Variants in CHD9 observed in about 807,000 individuals in gnomAD.
CHD9 encodes ATP-dependent chromatin remodeler CHD9.
Under a neutral mutation model 316.1 loss-of-function variants are expected in CHD9, and 77 were observed. The observed-to-expected ratio is 0.24, with a 90% CI of 0.20 to 0.29. The LOEUF (loss-of-function observed/expected upper bound fraction) is 0.29. Among genes scored for constraint, CHD9 ranks in the 10% least tolerant of loss-of-function variants. The pLI is 1.00. For synonymous variants in CHD9, 1,129 were observed against 1,158.3 expected (o/e 0.97, Z 0.51); for missense variants, 2,763 against 3,438.1 (o/e 0.80, Z 4.91).
chr16:53,231,385 G>T (rs1389793055), intron 8 of CHD9, 34 bp from the exon 9 acceptor site: 1 of 1,220,866 alleles, frequency 8.2e-7, no homozygotes, highest in East Asian at 2.3e-5. Flanking sequence ...CCAGTTCTTT[G>T]TCAGATGTCA....
At chr16:53,302,436 A>C (rs1288639181) in intron 30 of CHD9, among the ~76,000 whole-genome samples, 1 of 152,210 alleles carries the variant, frequency 6.6e-6, no homozygotes, top group African/African-American at 2.4e-5. Flanking sequence ...ATGTAATATC[A>C]AGGGATTGGA....
chr16:53,286,038 G>A (rs1261244648), intron 25 of CHD9, among the ~76,000 whole-genome samples, 188 bp from the exon 26 acceptor site: 1 of 152,100 alleles, frequency 6.6e-6, no homozygotes, highest in African/African-American at 2.4e-5. Context: ...TTTTACTTTA[G>A]TAGATATCTA....
intron 3 of CHD9, among the ~76,000 whole-genome samples, chr16:53,212,420 AT>A (rs549427641): frequency 1.5e-3 from 218 of 147,388 alleles, no homozygotes; most frequent in Admixed American, 3.6e-3. Context: ...AAAAAAAAAA[AT>A]TTTTTTTAAA....
chr16:53,193,922 A>AT (rs1173276288), intron 2 of CHD9, among the ~76,000 whole-genome samples: 1 of 152,190 alleles, frequency 6.6e-6, no homozygotes, highest in Admixed American at 6.5e-5. Context: ...CTATAGTAAT[A>AT]TTACTGTTAT....
chr16:53,123,262 A>C (rs1300499553), intron 1 of CHD9, among the ~76,000 whole-genome samples: 1 of 151,646 alleles, frequency 6.6e-6, no homozygotes, highest in Non-Finnish European at 1.5e-5. Context: ...AGAGTTGTGC[A>C]AGTATCTCCA....
intron 29 of CHD9, among the ~76,000 whole-genome samples, chr16:53,293,995 A>C (rs1413436766): frequency 6.6e-6 from 1 of 152,178 alleles, no homozygotes; most frequent in Non-Finnish European, 1.5e-5. Flanking sequence ...TATGTTAATT[A>C]AATTCCATTC....
At chr16:53,248,056 G>A (rs2049787354) in intron 16 of CHD9, 1 of 152,212 alleles carries the variant, frequency 6.6e-6, no homozygotes, top group Non-Finnish European at 1.5e-5. Context: ...GCCGGGCGCG[G>A]TGGCTCACGT....
chr16:53,293,956 A>G (rs972869988), intron 29 of CHD9, among the ~76,000 whole-genome samples: 2 of 152,204 alleles, frequency 1.3e-5, no homozygotes, highest in African/African-American at 4.8e-5. Context: ...AAAAGAAAAA[A>G]AAAAAGAATT....
intron 27 of CHD9, among the ~76,000 whole-genome samples, chr16:53,290,563 G>C (rs2054249941): frequency 6.6e-6 from 1 of 151,870 alleles, no homozygotes; most frequent in Non-Finnish European, 1.5e-5. Flanking sequence ...CCAAGGAACA[G>C]AGATTGCTTG....
chr16:53,256,895 C>T (rs1400319812), intron 19 of CHD9, among the ~76,000 whole-genome samples: 1 of 151,918 alleles, frequency 6.6e-6, no homozygotes, highest in Non-Finnish European at 1.5e-5. Flanking sequence ...AGGTGCTGTA[C>T]CAAAGTAAGA....
intron 1 of CHD9, among the ~76,000 whole-genome samples, chr16:53,129,891 G>A (rs1410435241): frequency 6.6e-6 from 1 of 152,118 alleles, no homozygotes; most frequent in African/African-American, 2.4e-5. Context: ...TTTTACAGAA[G>A]GCAAAACCAA....
intron 16 of CHD9, 80 bp downstream of exon 16, chr16:53,247,583 T>A: frequency 1.1e-6 from 1 of 921,582 alleles, no homozygotes; most frequent in Non-Finnish European, 1.7e-6. Context: ...GTAAATGAAC[T>A]TTACTCATAT....
chr16:53,254,623 T>C lies in CHD9; in HGVS notation c.4029+18T>C. The C allele has an allele frequency of 6.4e-7, 1 of 1,560,848 alleles. No homozygotes were observed. The highest frequency in any genetic ancestry group is 8.7e-7 in the Non-Finnish European group (1 of 1,148,046). Reference sequence around the variant, plus strand: ...TTGGTGGTGTATGTATAGTTTCTTTTTCACTTGAGATTTTTGTGTGTTTTT... The same window carrying C: ...TTGGTGGTGTATGTATAGTTTCTTTCTCACTTGAGATTTTTGTGTGTTTTT... On this transcript the variant is annotated intron_variant, in intron 18 of 38. Transcript: ENST00000447540.
intron 32 of CHD9, 29 bp downstream of exon 32, chr16:53,306,426 G>T: frequency 6.5e-7 from 1 of 1,530,854 alleles, no homozygotes; most frequent in East Asian, 2.4e-5. Context: ...ATTGGGATAG[G>T]TCATTTTTTA....
At chr16:53,192,993 T>C (rs888869338) in intron 2 of CHD9, among the ~76,000 whole-genome samples, 1 of 151,900 alleles carries the variant, frequency 6.6e-6, no homozygotes, top group African/African-American at 2.4e-5. Flanking sequence ...AATATATAAG[T>C]GTAAAATTGC....
chr16:53,257,611 T>TG (rs1301682386), intron 19 of CHD9, among the ~76,000 whole-genome samples: 1 of 152,156 alleles, frequency 6.6e-6, no homozygotes, highest in Non-Finnish European at 1.5e-5. Context: ...CATGGTTGTC[T>TG]TTAAGATAGA....
intron 36 of CHD9, 44 bp downstream of exon 36, chr16:53,315,088 G>C: frequency 7.3e-7 from 1 of 1,378,872 alleles, no homozygotes; most frequent in Non-Finnish European, 1.0e-6. Context: ...ATTTTTATGA[G>C]TTGTCAGATC....
At chr16:53,068,124 G>C (rs994523414) in intron 1 of CHD9, among the ~76,000 whole-genome samples, 2 of 152,066 alleles carry the variant, frequency 1.3e-5, no homozygotes, top group Admixed American at 6.6e-5. Flanking sequence ...TCACTTACTG[G>C]CTGTGTTTGA....
intron 1 of CHD9, chr16:53,121,527 TA>T (rs1277609892): frequency 1.4e-5 from 6 of 421,932 alleles, no homozygotes; most frequent in African/African-American, 1.2e-4. Context: ...AAGCAGGGGA[TA>T]AACTAGATAA....
Sources: gnomAD v4.1 joint callset for allele counts (sites outside exome capture counted in the v4.1 genomes callset) on GRCh38, gnomAD v4.1.1 for gene constraint, MANE v1.5 for transcripts, NCBI Gene and HGNC (gene_info 2026-07-23, HGNC 2026-07-21) for gene names.